Variants in NRG3 observed in about 807,000 individuals in gnomAD.
NRG3 encodes the protein pro-neuregulin-3, membrane-bound isoform.
Under a neutral mutation model 66.9 loss-of-function variants are expected in NRG3, and 31 were observed. The observed-to-expected ratio is 0.46, with a 90% CI of 0.35 to 0.63. The LOEUF (loss-of-function observed/expected upper bound fraction) is 0.63, where lower values mean the gene tolerates loss of function less well. Among genes scored for constraint, NRG3 ranks in the 20% least tolerant of loss-of-function variants. The pLI is 0.00. For missense variants in NRG3, 910 were observed against 878.9 expected (o/e 1.04, Z -0.45); for synonymous variants, 393 against 359.4 (o/e 1.09, Z -1.06).
At chr10:82,075,592 G>T (rs559176243) in intron 1 of NRG3, among the ~76,000 whole-genome samples, 1 of 152,204 alleles carries the variant, frequency 6.6e-6, no homozygotes, top group Admixed American at 6.5e-5. Flanking sequence ...AGAATGGAAG[G>T]ATAGTATATG....
intron 3 of NRG3, among the ~76,000 whole-genome samples, chr10:82,829,703 C>T (rs2062417623): frequency 6.6e-6 from 1 of 152,098 alleles, no homozygotes; most frequent in Non-Finnish European, 1.5e-5. Context: ...TGGGGAGTAA[C>T]CTAGAGATGA....
chr10:82,868,006 A>G (rs1840932561), intron 4 of NRG3, among the ~76,000 whole-genome samples: 1 of 152,176 alleles, frequency 6.6e-6, no homozygotes, highest in Non-Finnish European at 1.5e-5. Context: ...TTGCAGGCTC[A>G]GTGAGGCTTT....
At chr10:82,119,371 T>A (rs892629448) in intron 1 of NRG3, among the ~76,000 whole-genome samples, 2 of 152,154 alleles carry the variant, frequency 1.3e-5, no homozygotes, top group Non-Finnish European at 2.9e-5. Flanking sequence ...ATATTTTTAC[T>A]GATTTCACAA....
chr10:82,800,734 A>C (rs2060999980), intron 3 of NRG3, among the ~76,000 whole-genome samples: 1 of 152,220 alleles, frequency 6.6e-6, no homozygotes, highest in Admixed American at 6.5e-5. Context: ...GATATATTAA[A>C]GCAAGAGTTC....
intron 1 of NRG3, among the ~76,000 whole-genome samples, chr10:82,045,256 A>G (rs1261588855): frequency 7.3e-5 from 2 of 27,286 alleles, no homozygotes; most frequent in African/African-American, 1.0e-4. Flanking sequence ...AATGATCACC[A>G]TTCTAACTGG....
chr10:82,346,545 GC>G (rs1345778100), intron 1 of NRG3, among the ~76,000 whole-genome samples: 1 of 152,082 alleles, frequency 6.6e-6, no homozygotes, highest in Non-Finnish European at 1.5e-5. Context: ...TTGAGTCTCT[GC>G]CCAGCTTTGG....
intron 2 of NRG3, among the ~76,000 whole-genome samples, chr10:82,664,494 C>G (rs1246759178): frequency 1.5e-4 from 23 of 152,050 alleles, no homozygotes; most frequent in Non-Finnish European, 1.5e-5. Flanking sequence ...TTGGTTTCAT[C>G]CAGATTAATT....
intron 2 of NRG3, among the ~76,000 whole-genome samples, chr10:82,617,041 GT>G (rs1478085214): frequency 6.6e-6 from 1 of 152,174 alleles, no homozygotes; most frequent in African/African-American, 2.4e-5. Flanking sequence ...GATAGTCCTT[GT>G]TTTTTCTGAG....
chr10:81,934,696 T>G (rs1410835029), intron 1 of NRG3, among the ~76,000 whole-genome samples: 1 of 152,206 alleles, frequency 6.6e-6, no homozygotes, highest in Non-Finnish European at 1.5e-5. Flanking sequence ...GGAATTGGGA[T>G]TTGCAATTTT....
intron 1 of NRG3, among the ~76,000 whole-genome samples, chr10:81,908,067 G>A (rs1013063774): frequency 6.6e-6 from 1 of 152,034 alleles, no homozygotes. Flanking sequence ...ACTGATCTGC[G>A]CTCTCATAAT....
At chr10:81,951,069 A>T (rs1447295621) in intron 1 of NRG3, among the ~76,000 whole-genome samples, 4 of 152,182 alleles carry the variant, frequency 2.6e-5, no homozygotes, top group African/African-American at 9.6e-5. Context: ...TTAGAACATC[A>T]GCATTTATCA....
chr10:81,882,532 C>T (rs1009644221), intron 1 of NRG3, among the ~76,000 whole-genome samples: 2 of 152,152 alleles, frequency 1.3e-5, no homozygotes, highest in African/African-American at 2.4e-5. Context: ...GATACAATCT[C>T]TCTGAAGTTT....
At chr10:82,682,422 T>TAGAC (rs2054175301) in intron 2 of NRG3, among the ~76,000 whole-genome samples, 1 of 152,040 alleles carries the variant, frequency 6.6e-6, no homozygotes, top group Admixed American at 6.6e-5. Flanking sequence ...GATAGATAGA[T>TAGAC]AGATAGATAG....
intron 5 of NRG3, among the ~76,000 whole-genome samples, chr10:82,953,752 A>T (rs1052630034): frequency 6.6e-6 from 1 of 151,732 alleles, no homozygotes; most frequent in African/African-American, 2.4e-5. Context: ...CAGGAAGATC[A>T]CTTGAGACCA....
intron 1 of NRG3, among the ~76,000 whole-genome samples, chr10:82,119,714 C>T (rs2067963351): frequency 6.6e-6 from 1 of 152,092 alleles, no homozygotes; most frequent in Non-Finnish European, 1.5e-5. Context: ...TGTAAATATA[C>T]AGGGAGGCTT....
intron 3 of NRG3, among the ~76,000 whole-genome samples, chr10:82,795,159 A>T (rs908031695): frequency 2.0e-5 from 3 of 152,260 alleles, no homozygotes; most frequent in African/African-American, 7.2e-5. Flanking sequence ...ATTTGATATC[A>T]CAAAAGAGAA....
At chr10:81,898,465 A>G (rs868531959) in intron 1 of NRG3, among the ~76,000 whole-genome samples, 1 of 152,178 alleles carries the variant, frequency 6.6e-6, no homozygotes, top group Non-Finnish European at 1.5e-5. Flanking sequence ...TCTCATCTCC[A>G]GGGTTGGCTG....
intron 2 of NRG3, among the ~76,000 whole-genome samples, chr10:82,713,492 T>C (rs1034389924): frequency 4.6e-5 from 7 of 152,268 alleles, no homozygotes; most frequent in Middle Eastern, 3.4e-3. Context: ...CATGGATGCT[T>C]TTGGCCTGAG....
At position 81,911,682 on chromosome 10, in the gene NRG3, A is replaced by G. The variant is rs573710868; in HGVS notation, c.823+35519A>G. Among the ~76,000 whole-genome samples, 12 of 97,772 alleles carry G rather than the reference A, an allele frequency of 1.2e-4. No homozygotes were observed. The Admixed American group carries it at 1.7e-3, about 14-fold the overall frequency. The allele number at this position is 97,772 out of a possible 152,430, so 64.1% of individuals were successfully genotyped here. ...CCTTCACTGCATGTATTTTACTGTT[A>G]TTATTGTTGAAACCATTCCTTCCAC... On this transcript the variant is annotated intron_variant, in intron 1 of 8. Coordinates refer to ENST00000372141, the MANE Select transcript of NRG3 (RefSeq NM_001010848.4).
Sources: gnomAD v4.1 joint callset for allele counts (sites outside exome capture counted in the v4.1 genomes callset) on GRCh38, gnomAD v4.1.1 for gene constraint, MANE v1.5 for transcripts, NCBI Gene and HGNC (gene_info 2026-07-23, HGNC 2026-07-21) for gene names.